The following NLRP9 variants were observed in gnomAD, a reference collection of about 807,000 sequenced individuals.
NLRP9 encodes NLR family pyrin domain containing 9.
In NLRP9, 88 loss-of-function variants were observed where a neutral mutation model predicts 83.1. That is an observed-to-expected ratio of 1.06 (90% CI 0.89 to 1.26). NLRP9 has a LOEUF of 1.26. Among genes scored for constraint, NLRP9 ranks in the 50% most tolerant of loss-of-function variants. NLRP9 has a pLI of 0.00. For missense variants in NLRP9, 1,308 were observed against 1,179.3 expected (o/e 1.11, Z -1.60); for synonymous variants, 521 against 447.6 (o/e 1.16, Z -2.07).
At chr19:55,725,473 A>G (rs924911901) in intron 3 of NLRP9, among the ~76,000 whole-genome samples, 26 of 152,322 alleles carry the variant, frequency 1.7e-4, no homozygotes, top group African/African-American at 5.5e-4. Flanking sequence ...CCATGTTCAA[A>G]AACTAGAATG....
chr19:55,716,285 A>C (rs1988008206), intron 5 of NLRP9, among the ~76,000 whole-genome samples: 1 of 142,434 alleles, frequency 7.0e-6, no homozygotes, highest in Non-Finnish European at 1.5e-5. Flanking sequence ...TTGAGATGGA[A>C]TCTTGCTCTG....
In NLRP9 at chr19:55,738,290, G is replaced by C. The variant is rs780304349; in HGVS notation, c.85C>G (p.Leu29Val). 6.2e-7 allele frequency: 1 copy of C among 1,614,002 alleles called. No homozygotes were observed. Among genetic ancestry groups the C allele is most frequent in the South Asian group, 1.1e-5 (1 of 91,074 alleles). Reference sequence around the variant, plus strand: ...AATTTCTCCAAAGGTTGTTTGAGGAGCTCCTTAAATTTCCAAAACTCTTCC... The same window carrying C: ...AATTTCTCCAAAGGTTGTTTGAGGACCTCCTTAAATTTCCAAAACTCTTCC... The part of the protein sequence containing the change: ...RKEEFWKFKE[L>V]LKQPLEKFEL... Residue 29 changes from leucine (L) to valine (V), a missense_variant, in exon 1 of 9, where the codon CTC becomes GTC. By Grantham distance (32) the Leu-to-Val change is conservative. Coordinates refer to ENST00000332836, the MANE Select transcript of NLRP9 (RefSeq NM_176820.4).
rs1036522170 is a variant in NLRP9, at chr19:55,734,642, T to A, written c.281-1092A>T. 1.5e-3 allele frequency among the ~76,000 whole-genome samples: 194 copies of A among 133,260 alleles called. 2 individuals carry two copies. In the Middle Eastern group the frequency reaches 0.019, roughly 13 times the overall value. The allele number at this position is 133,260 out of a possible 152,430, so 87.4% of individuals were successfully genotyped here. A position where few individuals can be genotyped will look rare whatever the true frequency, so the allele number is the denominator to read the frequency against. On this transcript the variant is annotated intron_variant, in intron 1 of 8. Coordinates refer to ENST00000332836, the MANE Select transcript of NLRP9 (RefSeq NM_176820.4). ...ACACATATATATATATATATATTTTTTTTTTTTTTGAGATGAACTCTCGCT... is the reference window on the plus strand; with the variant it reads ...ACACATATATATATATATATATTTTATTTTTTTTTGAGATGAACTCTCGCT...
At chr19:55,724,267 G>A (rs1988333342) in intron 3 of NLRP9, 123 bp from the exon 4 acceptor site, 1 of 616,542 alleles carries the variant, frequency 1.6e-6, no homozygotes, top group Admixed American at 3.2e-5. Flanking sequence ...TGGAATTCTG[G>A]TTACTCCTGC....
At chr19:55,711,648 T>C (rs1380547052) in intron 8 of NLRP9, 152 bp downstream of exon 8, 8 of 891,168 alleles carry the variant, frequency 9.0e-6, no homozygotes, top group Non-Finnish European at 7.1e-6. Flanking sequence ...CAATGGTTTT[T>C]ATATTTTATA....
At chr19:55,735,812 C>T (rs140594220) in intron 1 of NLRP9, among the ~76,000 whole-genome samples, 3,230 of 151,956 alleles carry the variant, frequency 0.021, 83 homozygotes, top group African/African-American at 0.059. Context: ...CTCAGCCTCC[C>T]GAGTAGCTGG....
chr19:55,730,023 G>C, intron 2 of NLRP9, 31 bp from the exon 3 acceptor site: 1 of 1,594,406 alleles, frequency 6.3e-7, no homozygotes, highest in Non-Finnish European at 8.6e-7. Flanking sequence ...TGATTCTCCA[G>C]TGGCTAAACT....
In NLRP9 at chr19:55,715,018, A is replaced by G. The variant is rs192757351; in HGVS notation, c.2501+37T>C. On this transcript the variant is annotated intron_variant, in intron 6 of 8. Coordinates refer to ENST00000332836, the MANE Select transcript of NLRP9 (RefSeq NM_176820.4). ...CTAGAGCCACAGTATCCAAAAAAAG[A>G]AACCCTGACATTGAAGCAAATCATG... 83 of 1,568,866 alleles carry G rather than the reference A, an allele frequency of 5.3e-5. No individual in the cohort carries two copies. In the Admixed American group the frequency reaches 9.9e-4, roughly 19 times the overall value.
intron 4 of NLRP9, among the ~76,000 whole-genome samples, chr19:55,722,150 C>T (rs1988246618): frequency 6.7e-6 from 1 of 148,178 alleles, no homozygotes; most frequent in East Asian, 2.0e-4. Flanking sequence ...GAAGACCTTC[C>T]ACCACCAATA....
intron 3 of NLRP9, among the ~76,000 whole-genome samples, chr19:55,724,932 G>A (rs528003444): frequency 6.6e-6 from 1 of 152,188 alleles, no homozygotes; most frequent in South Asian, 2.1e-4. Context: ...GGTGGTGTGT[G>A]CCTGTAATCC....
At chr19:55,714,642 A>T (rs117606060) in intron 6 of NLRP9, among the ~76,000 whole-genome samples, 1 of 152,118 alleles carries the variant, frequency 6.6e-6, no homozygotes, top group South Asian at 2.1e-4. Context: ...TTGGGCTGGT[A>T]TAACAAAATG....
chr19:55,712,300 C>G (rs1987764959), intron 7 of NLRP9, 120 bp downstream of exon 7: 7 of 820,150 alleles, frequency 8.5e-6, no homozygotes, highest in East Asian at 2.6e-5. Flanking sequence ...TTTTACATAT[C>G]AGATCGTCCC....
At chr19:55,711,325 T>A in intron 8 of NLRP9, 1 of 990,144 alleles carries the variant, frequency 1.0e-6, no homozygotes, top group South Asian at 3.9e-5. Context: ...TCCTACAGAT[T>A]TCAAATAGGT....
intron 4 of NLRP9, among the ~76,000 whole-genome samples, chr19:55,718,874 T>C (rs946641925): frequency 5.9e-5 from 9 of 152,222 alleles, no homozygotes; most frequent in African/African-American, 7.2e-5. Flanking sequence ...GTGGAGGGGC[T>C]GGCCCCCTTC....
intron 2 of NLRP9, among the ~76,000 whole-genome samples, chr19:55,731,027 C>T (rs1293172656): frequency 3.3e-5 from 5 of 152,132 alleles, no homozygotes; most frequent in African/African-American, 1.2e-4. Context: ...AGCTATTCAA[C>T]CTTATTCTGC....
In NLRP9 at chr19:55,738,219, T is replaced by G. The variant is rs761388298; in HGVS notation, c.156A>C (p.Lys52Asn). 6.2e-7 allele frequency: 1 copy of G among 1,614,194 alleles called. No homozygotes were observed. Among genetic ancestry groups the G allele is most frequent in the Admixed American group, 1.7e-5 (1 of 60,004 alleles). The change falls in exon 1 of 9, where the codon AAA (lysine) becomes AAC (asparagine). Residue 52 changes from lysine (K) to asparagine (N), a missense_variant. By Grantham distance (94) the Lys-to-Asn change is moderately conservative. Transcript: ENST00000332836. ...TGTCCAGCAGCTTTGCTACATCTTC[T>G]TTGGAGGCCTTCTTCAGCTCAGCCC... ...IPWAELKKAS[K>N]EDVAKLLDKH...
intron 1 of NLRP9, among the ~76,000 whole-genome samples, chr19:55,734,299 G>C (rs562199596): frequency 7.4e-6 from 1 of 134,668 alleles, no homozygotes; most frequent in East Asian, 2.4e-4. Context: ...AGGAAGCGGA[G>C]ATTGCAATAA....
In NLRP9 at chr19:55,733,084, C is replaced by T; in HGVS notation, c.747G>A (p.Gln249=). 6 of 1,613,946 alleles carry T rather than the reference C, an allele frequency of 3.7e-6. No homozygotes were observed. Among genetic ancestry groups the T allele is most frequent in the Non-Finnish European group, 5.1e-6 (6 of 1,179,904 alleles). ...LKADLSDDWR[Q]RQPMPIILSS... is the part of the protein sequence containing the mutation. ...TCAGGATAATTGGCATTGGCTGCCG[C>T]TGCCTCCAATCATCGCTCAAGTCAG... Residue 249 remains glutamine (Q), a synonymous_variant, in exon 2 of 9, where the codon CAG becomes CAA. Transcript: ENST00000332836.
intron 4 of NLRP9, among the ~76,000 whole-genome samples, chr19:55,723,366 ATGT>A (rs1172428233): frequency 1.3e-5 from 2 of 151,876 alleles, no homozygotes; most frequent in Admixed American, 6.6e-5. Flanking sequence ...GGAAAAAAAA[ATGT>A]TGTTCTTGTT....
Sources: allele counts gnomAD v4.1 joint callset (sites outside exome capture counted in the v4.1 genomes callset), GRCh38; gene constraint gnomAD v4.1.1; transcripts MANE v1.5; gene names NCBI Gene and HGNC (gene_info 2026-07-23, HGNC 2026-07-21).